COL12A1: variants seen among roughly 807,000 people sequenced by gnomAD.
The protein encoded by COL12A1 is collagen alpha-1(XII) chain.
COL12A1 carries 114 observed loss-of-function variants against 349.7 expected under a neutral mutation model. The ratio of observed to expected loss-of-function variants is 0.33; its 90% CI spans 0.28 to 0.38. The LOEUF (loss-of-function observed/expected upper bound fraction) is 0.38, where lower values mean the gene tolerates loss of function less well. Ranked by LOEUF, COL12A1 falls within the 10% of genes least tolerant of loss-of-function variation. COL12A1 has a pLI of 1.00. For synonymous variants in COL12A1, 1,369 were observed against 1,329.0 expected (o/e 1.03, Z -0.66); for missense variants, 3,284 against 3,756.9 (o/e 0.87, Z 3.29).
intron 60 of COL12A1, 134 bp from the exon 61 acceptor site, chr6:75,091,659 C>T (rs1166298295): frequency 8.9e-6 from 7 of 786,856 alleles, no homozygotes; most frequent in Non-Finnish European, 1.4e-5. Flanking sequence ...CATTTATATC[C>T]ATGTTACTCA....
chr6:75,165,866 G>T, intron 13 of COL12A1, 87 bp from the exon 14 acceptor site: 1 of 1,277,288 alleles, frequency 7.8e-7, no homozygotes, highest in Non-Finnish European at 1.1e-6. Flanking sequence ...TAGAGATTCT[G>T]ACTTGCTGGA....
chr6:75,127,812 G>A (rs925649310), intron 38 of COL12A1, among the ~76,000 whole-genome samples: 3 of 152,102 alleles, frequency 2.0e-5, no homozygotes, highest in Non-Finnish European at 4.4e-5. Context: ...TATGCAAATT[G>A]CTTAGTACAA....
chr6:75,178,655 G>C (rs1294863839), intron 11 of COL12A1, among the ~76,000 whole-genome samples: 1 of 152,156 alleles, frequency 6.6e-6, no homozygotes, highest in Non-Finnish European at 1.5e-5. Context: ...GGGGCCAACT[G>C]CCTATACAGA....
chr6:75,156,197 A>C, intron 15 of COL12A1, 60 bp downstream of exon 15: 1 of 1,580,562 alleles, frequency 6.3e-7, no homozygotes, highest in Non-Finnish European at 8.6e-7. Context: ...TAGACATACC[A>C]AAGTCATCTT....
Position 75,086,533 on chromosome 6 carries a change from A to G in COL12A1, c.*14T>C. The G allele has an allele frequency of 6.2e-7, 1 of 1,607,600 alleles. No homozygotes were observed. The highest frequency in any genetic ancestry group is 2.2e-5 in the East Asian group (1 of 44,528). On this transcript the variant is annotated 3_prime_UTR_variant, in exon 66 of 66. Transcript: ENST00000322507. Reference sequence around the variant, plus strand: ...ATTCAAACTGTAAGCAGCACTGGCGACTTAGAAAATGTGTTAGCCGGAACC... The same window carrying G: ...ATTCAAACTGTAAGCAGCACTGGCGGCTTAGAAAATGTGTTAGCCGGAACC...
At chr6:75,174,897 G>T (rs1159633516) in intron 13 of COL12A1, 141 bp downstream of exon 13, 4 of 978,166 alleles carry the variant, frequency 4.1e-6, no homozygotes, top group East Asian at 5.1e-5. Flanking sequence ...GAGCTTTATG[G>T]TTATTTGTTT....
In COL12A1 at chr6:75,126,392, G is replaced by A. The variant is rs781001617; in HGVS notation, c.6419C>T (p.Pro2140Leu). ...TATTTTATATCCAAGAACTGGAGAA[G>A]GTGAAGGATCCCAGGACACCCTGAA... ...TRFRVSWDPSPSPVLGYKIVY... is the reference protein window; with the variant it reads ...TRFRVSWDPSLSPVLGYKIVY... The change falls in exon 39 of 66, where the codon CCT becomes CTT. Residue 2140 changes from proline to leucine, a missense_variant. Coordinates refer to ENST00000322507, the MANE Select transcript of COL12A1 (RefSeq NM_004370.6). 3 of 1,611,482 alleles carry A rather than the reference G, an allele frequency of 1.9e-6. No individual in the cohort carries two copies. Among genetic ancestry groups the A allele is most frequent in the Non-Finnish European group, 2.5e-6 (3 of 1,177,996 alleles).
At chr6:75,095,587 G>A (rs1266526332) in intron 59 of COL12A1, among the ~76,000 whole-genome samples, 1 of 133,638 alleles carries the variant, frequency 7.5e-6, no homozygotes, top group African/African-American at 3.0e-5. Context: ...ACTGCAGTCC[G>A]CAGTCCGGCC....
intron 8 of COL12A1, among the ~76,000 whole-genome samples, chr6:75,186,160 T>G (rs947191116): frequency 2.0e-5 from 3 of 152,132 alleles, no homozygotes; most frequent in Non-Finnish European, 4.4e-5. Flanking sequence ...CAAAAGAAAC[T>G]ACCAACAGAG....
chr6:75,118,143 A>C (rs192977837), intron 46 of COL12A1, among the ~76,000 whole-genome samples: 2 of 152,330 alleles, frequency 1.3e-5, no homozygotes, highest in Admixed American at 1.3e-4. Flanking sequence ...ATATATTTAG[A>C]TATAAATAAG....
intron 21 of COL12A1, 72 bp downstream of exon 21, chr6:75,151,069 C>A (rs139997319): frequency 9.9e-6 from 5 of 505,292 alleles, no homozygotes; most frequent in South Asian, 8.8e-5. Flanking sequence ...CCCTCCCCCC[C>A]ACCCAAAAGA....
chr6:75,155,627 T>C, intron 16 of COL12A1, 35 bp downstream of exon 16: 1 of 1,572,858 alleles, frequency 6.4e-7, no homozygotes, highest in Non-Finnish European at 8.6e-7. Flanking sequence ...AACAAATTAA[T>C]TTCATCCTTT....
intron 47 of COL12A1, among the ~76,000 whole-genome samples, chr6:75,116,893 T>A (rs570704492): frequency 1.3e-5 from 2 of 152,224 alleles, no homozygotes; most frequent in Admixed American, 1.3e-4. Context: ...AATAATCAAT[T>A]TTTGGTTCTT....
intron 2 of COL12A1, among the ~76,000 whole-genome samples, chr6:75,201,611 CA>C (rs1363255284): frequency 6.6e-6 from 1 of 151,024 alleles, no homozygotes; most frequent in African/African-American, 2.5e-5. Flanking sequence ...TTAACTTCAT[CA>C]GGGGTATTTC....
At position 75,117,410 on chromosome 6, in the gene COL12A1, A is replaced by C. The variant is rs1157317368; in HGVS notation, c.7491T>G (p.Ile2497Met). 1 of 1,613,492 alleles carries C rather than the reference A, an allele frequency of 6.2e-7. No homozygotes were observed. Among genetic ancestry groups the C allele is most frequent in the East Asian group, 2.2e-5 (1 of 44,882 alleles). ...AAGTGGCAGTTTCACAAACAAATGT[A>C]ATAAGATTGTCTTCGATCTTCTCAA... ...ESFEKIEDNLITFVCETATSS... is the reference protein window; with the variant it reads ...ESFEKIEDNLMTFVCETATSS... Residue 2497 changes from isoleucine (I) to methionine (M), a missense_variant, in exon 47 of 66, where the codon ATT becomes ATG. By Grantham distance (10) the Ile-to-Met change is conservative. Transcript: ENST00000322507.
chr6:75,131,909 G>A, intron 35 of COL12A1, 31 bp downstream of exon 35: 1 of 1,611,296 alleles, frequency 6.2e-7, no homozygotes. Context: ...CATTCACCAG[G>A]AAATGCAGTT....
chr6:75,143,221 AT>A lies in COL12A1; in HGVS notation c.4827+30del, dbSNP rs1767001398. On this transcript the variant is annotated intron_variant, in intron 26 of 65. Transcript: ENST00000322507. ...TTTTAAACCTACTAGGAAAACAAAT[AT>A]TTTCATATCTACTATCATCTTCAAC... is the stretch of plus-strand genomic sequence containing the variant. The A allele has an allele frequency of 9.3e-6, 15 of 1,611,000 alleles. No individual in the cohort carries two copies. In the African/African-American group the frequency reaches 1.1e-4, roughly 11 times the overall value.
At chr6:75,124,410 T>C (rs1408024404) in intron 40 of COL12A1, 39 bp from the exon 41 acceptor site, 2 of 1,460,958 alleles carry the variant, frequency 1.4e-6, no homozygotes, top group African/African-American at 1.4e-5. Context: ...CTTTGTAAAT[T>C]GAGGCAAAAA....
At chr6:75,093,269 T>C (rs1169314191) in intron 60 of COL12A1, among the ~76,000 whole-genome samples, 1 of 152,232 alleles carries the variant, frequency 6.6e-6, no homozygotes, top group Non-Finnish European at 1.5e-5. Context: ...GGCTAGCATA[T>C]TGTAGGCACT....
Sources: allele counts gnomAD v4.1 joint callset (sites outside exome capture counted in the v4.1 genomes callset), GRCh38; gene constraint gnomAD v4.1.1; transcripts MANE v1.5; gene names NCBI Gene and HGNC (gene_info 2026-07-23, HGNC 2026-07-21).